ZNF354C: variants seen among roughly 807,000 people sequenced by gnomAD.
ZNF354C encodes zinc finger protein 354C, also known as KRAB-zinc finger protein synten.
A neutral mutation model predicts 12.4 loss-of-function variants in ZNF354C; 7 were observed. The ratio of observed to expected loss-of-function variants is 0.56; its 90% CI spans 0.32 to 1.06. The LOEUF (loss-of-function observed/expected upper bound fraction) is 1.06, where lower values mean the gene tolerates loss of function less well. Among genes scored for constraint, ZNF354C ranks in the 50% least tolerant of loss-of-function variants. ZNF354C has a pLI of 0.04. For missense variants in ZNF354C, 609 were observed against 658.0 expected (o/e 0.93, Z 0.81); for synonymous variants, 202 against 224.5 (o/e 0.90, Z 0.90).
rs572201726 is a variant in ZNF354C, at chr5:179,071,481, C to A, written c.28-4964C>A. Among the ~76,000 whole-genome samples the A allele has an allele frequency of 5.3e-5, 8 of 150,660 alleles. No individual in the cohort carries two copies. The South Asian group carries it at 1.7e-3, about 32-fold the overall frequency. On this transcript the variant is annotated intron_variant, in intron 2 of 4. Transcript: ENST00000315475. The stretch of plus-strand genomic sequence containing the variant: ...TTCAGACTAATTCATCTGTGGATAA[C>A]TACTACACTCTGGATAAAATATAAG...
At position 179,083,490 on chromosome 5, in the gene ZNF354C, ATGTG is replaced by A. The variant is rs369192027; in HGVS notation, c.*3397_*3400del. Reference sequence around the variant, plus strand: ...CATTGGTCATTTAAAACATTTTTCTATGTGTGTCAATTTTTAATAAAAATGCAAA... The same window carrying A: ...CATTGGTCATTTAAAACATTTTTCTATGTCAATTTTTAATAAAAATGCAAA... On this transcript the variant is annotated 3_prime_UTR_variant, in exon 5 of 5. Transcript: ENST00000315475. 1 of 151,804 alleles carries A rather than the reference ATGTG, an allele frequency of 6.6e-6. No individual in the cohort carries two copies. The highest frequency in any genetic ancestry group is 1.5e-5 in the Non-Finnish European group (1 of 67,996). The allele number at this position is 151,804 out of a possible 1,614,324, so 9.4% of individuals were successfully genotyped here. A position where few individuals can be genotyped will look rare whatever the true frequency, so the allele number is the denominator to read the frequency against.
chr5:179,071,381 T>C (rs1762049596), intron 2 of ZNF354C, among the ~76,000 whole-genome samples: 1 of 151,708 alleles, frequency 6.6e-6, no homozygotes, highest in Non-Finnish European at 1.5e-5. Context: ...TTTTTTTTTT[T>C]TTTTTTACTT....
rs974897447 is a variant in ZNF354C, at chr5:179,081,016, C to G, written c.*919C>G. 6.6e-6 allele frequency: 1 copy of G among 152,128 alleles called. No individual in the cohort carries two copies. The highest frequency in any genetic ancestry group is 1.5e-5 in the Non-Finnish European group (1 of 68,014). 9.4% of individuals were successfully genotyped at this position (152,128 alleles called of 1,614,324 possible). A position where few individuals can be genotyped will look rare whatever the true frequency, so the allele number is the denominator to read the frequency against. ...AGGATTTGAACTTAGTGAACAGAGT[C>G]AAGACTAGAATCTAGGTCTTTGGTT... On this transcript the variant is annotated 3_prime_UTR_variant, in exon 5 of 5. Coordinates refer to ENST00000315475, the MANE Select transcript of ZNF354C (RefSeq NM_014594.3).
In ZNF354C at chr5:179,079,741, G is replaced by A; in HGVS notation, c.1309G>A (p.Glu437Lys). The part of the protein sequence containing the change: ...FNEHRKIHTG[E>K]KLYTCEECGK... The stretch of plus-strand genomic sequence containing the variant: ...TGAACATCGGAAAATTCATACTGGG[G>A]AAAAACTTTATACATGTGAGGAATG... The change falls in exon 5 of 5, where the codon GAA becomes AAA. Residue 437 changes from glutamate to lysine, a missense_variant. By Grantham distance (56) the Glu-to-Lys change is moderately conservative. Coordinates refer to ENST00000315475, the MANE Select transcript of ZNF354C (RefSeq NM_014594.3). This position sits in a 1 kb window ranked among gnomAD's most constrained non-coding sequence, Gnocchi z 4.2. The A allele has an allele frequency of 4.3e-6, 7 of 1,614,096 alleles. No individual in the cohort carries two copies. The highest frequency in any genetic ancestry group is 5.1e-6 in the Non-Finnish European group (6 of 1,180,030).
chr5:179,061,876 G>C, intron 1 of ZNF354C, 139 bp from the exon 2 acceptor site: 1 of 663,796 alleles, frequency 1.5e-6, no homozygotes, highest in Non-Finnish European at 2.7e-6. Flanking sequence ...TAGTAAACTA[G>C]TAAACACTCT....
Position 179,083,204 on chromosome 5 carries a change from A to AT in ZNF354C, c.*3108dup, listed in dbSNP as rs1186304601. 5 of 315,742 alleles carry AT rather than the reference A, an allele frequency of 1.6e-5. No individual in the cohort carries two copies. In the Middle Eastern group the frequency reaches 2.5e-3, roughly 159 times the overall value. 19.6% of individuals were successfully genotyped at this position (315,742 alleles called of 1,614,324 possible). A position where few individuals can be genotyped will look rare whatever the true frequency, so the allele number is the denominator to read the frequency against. ...GTGATCCTTTATTAGCTTCTGATTCATAAAAAAACCTATAAGAGACATTTG... is the reference window on the plus strand; with the variant it reads ...GTGATCCTTTATTAGCTTCTGATTCATTAAAAAAACCTATAAGAGACATTTG... On this transcript the variant is annotated 3_prime_UTR_variant, in exon 5 of 5. Coordinates refer to ENST00000315475, the MANE Select transcript of ZNF354C (RefSeq NM_014594.3).
intron 1 of ZNF354C, among the ~76,000 whole-genome samples, chr5:179,061,694 G>T (rs1027547715): frequency 1.3e-5 from 2 of 151,982 alleles, no homozygotes; most frequent in African/African-American, 4.8e-5. Flanking sequence ...GGGAAGTGGC[G>T]CCCCAGGAGA....
rs1581122979 is a variant in ZNF354C, at chr5:179,081,732, C to T, written c.*1635C>T. On this transcript the variant is annotated 3_prime_UTR_variant, in exon 5 of 5. Transcript: ENST00000315475. ...TTTGGTTTCTAAATGCCATTCCCCA[C>T]TAAAAGGAACCAGGGTTCCTTGGAG... The T allele has an allele frequency of 6.6e-6, 1 of 152,166 alleles. No homozygotes were observed. The highest frequency in any genetic ancestry group is 1.9e-4 in the East Asian group (1 of 5,192). 9.4% of individuals were successfully genotyped at this position (152,166 alleles called of 1,614,324 possible).
intron 2 of ZNF354C, among the ~76,000 whole-genome samples, chr5:179,068,720 A>G (rs1761996274): frequency 6.6e-6 from 1 of 151,940 alleles, no homozygotes; most frequent in South Asian, 2.1e-4. Context: ...TCCTGTTAAC[A>G]GCAACACGGA....
chr5:179,062,128 G>A (rs373776570), intron 2 of ZNF354C, 33 bp downstream of exon 2: 1 of 1,613,746 alleles, frequency 6.2e-7, no homozygotes, highest in Non-Finnish European at 8.5e-7. Flanking sequence ...TTTTTCATCA[G>A]TTGGCTTCTG....
intron 2 of ZNF354C, among the ~76,000 whole-genome samples, chr5:179,063,608 A>G (rs1305341045): frequency 2.0e-5 from 3 of 152,238 alleles, no homozygotes; most frequent in Admixed American, 2.0e-4. Context: ...GCTGTGAGCC[A>G]GGTTCTATGT....
At chr5:179,070,137 C>T (rs961748042) in intron 2 of ZNF354C, among the ~76,000 whole-genome samples, 1 of 152,132 alleles carries the variant, frequency 6.6e-6, no homozygotes, top group Non-Finnish European at 1.5e-5. Flanking sequence ...AGATCGGCAG[C>T]GGCATTAGAT....
chr5:179,076,666 G>A (rs1401887554), intron 3 of ZNF354C, 95 bp downstream of exon 3: 4 of 1,499,324 alleles, frequency 2.7e-6, no homozygotes, highest in Admixed American at 2.1e-5. Context: ...ACCCTACTGA[G>A]CCCCTCAGAA....
chr5:179,062,459 C>G (rs944257190), intron 2 of ZNF354C, among the ~76,000 whole-genome samples: 9 of 152,156 alleles, frequency 5.9e-5, no homozygotes, highest in Admixed American at 3.9e-4. Context: ...CGGAAGACAG[C>G]CTCCACAAGC....
intron 2 of ZNF354C, among the ~76,000 whole-genome samples, chr5:179,070,841 C>CTTTTTTTTT (rs766817856): frequency 1.7e-4 from 13 of 75,460 alleles, no homozygotes; most frequent in Non-Finnish European, 1.9e-4. Flanking sequence ...CTTGATCGCT[C>CTTTTTTTTT]TTTTTTTTTT....
chr5:179,068,661 AGGG>A (rs1245480825), intron 2 of ZNF354C, among the ~76,000 whole-genome samples: 1 of 150,486 alleles, frequency 6.6e-6, no homozygotes, highest in East Asian at 1.9e-4. Flanking sequence ...TCTAAGGCCT[AGGG>A]GAACGGGATT....
chr5:179,067,364 GAAAGGTGTATT>G (rs1365392707), intron 2 of ZNF354C, among the ~76,000 whole-genome samples: 1 of 152,184 alleles, frequency 6.6e-6, no homozygotes, highest in Admixed American at 6.5e-5. Context: ...TGAGCCAGGT[GAAAGGTGTATT>G]ATTTTACTAC....
At chr5:179,074,591 C>T (rs1762093507) in intron 2 of ZNF354C, among the ~76,000 whole-genome samples, 2 of 152,180 alleles carry the variant, frequency 1.3e-5, no homozygotes, top group Admixed American at 1.3e-4. Flanking sequence ...CAAGATTCTT[C>T]ACACAGACCC....
chr5:179,077,203 T>G, intron 4 of ZNF354C, 37 bp downstream of exon 4: 1 of 1,544,504 alleles, frequency 6.5e-7, no homozygotes. Flanking sequence ...CAAGGGGTTC[T>G]TTATAGACAA....
Sources: gnomAD v4.1 joint callset for allele counts (sites outside exome capture counted in the v4.1 genomes callset) on GRCh38, gnomAD v4.1.1 for gene constraint, Gnocchi (gnomAD v3.1) non-coding constraint, MANE v1.5 for transcripts, NCBI Gene and HGNC (gene_info 2026-07-23, HGNC 2026-07-21) for gene names.